PCBP3: variants seen among roughly 807,000 people sequenced by gnomAD.
PCBP3 encodes poly(rC) binding protein 3, also known as poly(rC)-binding protein 3.
Under a neutral mutation model 52.7 loss-of-function variants are expected in PCBP3, and 25 were observed. That is an observed-to-expected ratio of 0.47 (90% CI 0.35 to 0.66). The LOEUF is 0.66. Ranked by LOEUF, PCBP3 falls within the 30% of genes least tolerant of loss-of-function variation. The pLI is 0.01. For missense variants in PCBP3, 391 were observed against 490.3 expected (o/e 0.80, Z 1.91); for synonymous variants, 162 against 183.0 (o/e 0.89, Z 0.93).
chr21:45,854,956 G>A (rs2094211848), intron 5 of PCBP3, among the ~76,000 whole-genome samples: 1 of 152,254 alleles, frequency 6.6e-6, no homozygotes, highest in Admixed American at 6.5e-5. Context: ...ACAGCAGGCT[G>A]AAACCCAGAA....
chr21:45,783,858 C>A (rs918493277), intron 4 of PCBP3, among the ~76,000 whole-genome samples: 21 of 152,280 alleles, frequency 1.4e-4, no homozygotes, highest in Non-Finnish European at 2.6e-4. Flanking sequence ...CCTTGGGGAG[C>A]CATCAGTTAT....
At chr21:45,901,247 ACCT>A in intron 9 of PCBP3, 134 bp downstream of exon 9, 1 of 691,154 alleles carries the variant, frequency 1.4e-6, no homozygotes. Context: ...AACTACGCTC[ACCT>A]CCTTTGCCTC....
intron 5 of PCBP3, among the ~76,000 whole-genome samples, chr21:45,860,630 C>T (rs2094472919): frequency 6.6e-6 from 1 of 152,222 alleles, no homozygotes; most frequent in Non-Finnish European, 1.5e-5. Flanking sequence ...CACCGAAGCC[C>T]ACCTGAAAGA....
intron 5 of PCBP3, among the ~76,000 whole-genome samples, chr21:45,865,939 G>A (rs796776092): frequency 1.6e-4 from 25 of 152,296 alleles, no homozygotes; most frequent in African/African-American, 4.1e-4. Context: ...GCCACAGGCC[G>A]GATGCTATGA....
intron 5 of PCBP3, among the ~76,000 whole-genome samples, chr21:45,877,208 G>A (rs953403754): frequency 3.9e-5 from 6 of 152,142 alleles, no homozygotes; most frequent in Admixed American, 2.0e-4. Context: ...TCTGGTGGTC[G>A]GGAACCTAGG....
At chr21:45,864,976 C>A (rs1303719935) in intron 5 of PCBP3, among the ~76,000 whole-genome samples, 9 of 152,180 alleles carry the variant, frequency 5.9e-5, no homozygotes, top group Non-Finnish European at 7.3e-5. Flanking sequence ...ATACCCAGTT[C>A]CCACCAACTA....
In PCBP3 at chr21:45,850,037, T is replaced by A. The variant is rs1427377049; in HGVS notation, c.-49T>A. 6.6e-7 allele frequency: 1 copy of A among 1,522,156 alleles called. No homozygotes were observed. The highest frequency in any genetic ancestry group is 8.9e-7 in the Non-Finnish European group (1 of 1,120,118). The allele number at this position is 1,522,156 out of a possible 1,614,324, so 94.3% of individuals were successfully genotyped here. A position where few individuals can be genotyped will look rare whatever the true frequency, so the allele number is the denominator to read the frequency against. On this transcript the variant is annotated 5_prime_UTR_variant, in exon 5 of 18. Transcript: ENST00000681687. ...GTTATGATGCTCTGAGTTCAATACG[T>A]CTGAACCTTTGCTGTCTATGGATCT...
chr21:45,699,807 G>A (rs552573010), intron 2 of PCBP3, among the ~76,000 whole-genome samples: 5 of 152,268 alleles, frequency 3.3e-5, no homozygotes, highest in Admixed American at 2.6e-4. Context: ...ACCCACCCGC[G>A]TGATTCAATT....
At chr21:45,823,513 G>T (rs557513662) in intron 4 of PCBP3, among the ~76,000 whole-genome samples, 1 of 152,058 alleles carries the variant, frequency 6.6e-6, no homozygotes, top group Non-Finnish European at 1.5e-5. Context: ...AGAACCACGC[G>T]TGTCCGTTCT....
At chr21:45,768,861 G>A (rs370326934) in intron 4 of PCBP3, among the ~76,000 whole-genome samples, 1 of 152,190 alleles carries the variant, frequency 6.6e-6, no homozygotes, top group Admixed American at 6.5e-5. Flanking sequence ...CAGTGCTATC[G>A]TCCCCTCGTC....
chr21:45,891,131 T>C (rs2148927460), intron 5 of PCBP3, among the ~76,000 whole-genome samples: 1 of 152,264 alleles, frequency 6.6e-6, no homozygotes, highest in African/African-American at 2.4e-5. Context: ...TAATAGAACC[T>C]GGAACTCTGT....
intron 4 of PCBP3, among the ~76,000 whole-genome samples, chr21:45,789,563 C>G (rs1050069722): frequency 6.6e-6 from 1 of 152,090 alleles, no homozygotes; most frequent in Non-Finnish European, 1.5e-5. Context: ...AGGAGCAATC[C>G]GGGCAGAGGA....
chr21:45,786,190 A>G (rs1192607343), intron 4 of PCBP3, among the ~76,000 whole-genome samples: 2 of 151,674 alleles, frequency 1.3e-5, no homozygotes. Context: ...AAAAAAAATA[A>G]AAAGTTTCAA....
intron 1 of PCBP3, among the ~76,000 whole-genome samples, chr21:45,664,017 TTTC>T (rs1027290216): frequency 4.9e-5 from 2 of 40,446 alleles, no homozygotes; most frequent in African/African-American, 1.2e-4. Flanking sequence ...TTTCTTTTTT[TTTC>T]TTTTTTTTTT....
At chr21:45,887,113 C>A (rs2095542024) in intron 5 of PCBP3, among the ~76,000 whole-genome samples, 6 of 152,190 alleles carry the variant, frequency 3.9e-5, no homozygotes, top group Admixed American at 3.3e-4. Flanking sequence ...GCCAGCTTTT[C>A]CACTTCCAAG....
intron 5 of PCBP3, among the ~76,000 whole-genome samples, chr21:45,881,238 A>G (rs1233172672): frequency 6.6e-6 from 1 of 152,170 alleles, no homozygotes; most frequent in Non-Finnish European, 1.5e-5. Flanking sequence ...TCCAACTCTG[A>G]GCCAGCCTTG....
chr21:45,901,267 C>T (rs1253744921), intron 9 of PCBP3, 154 bp downstream of exon 9: 4 of 643,458 alleles, frequency 6.2e-6, no homozygotes, highest in Non-Finnish European at 8.5e-6. Flanking sequence ...CCTCCCAGGG[C>T]CTCTCCGCAG....
chr21:45,721,050 C>G (rs1288000905), intron 2 of PCBP3, among the ~76,000 whole-genome samples: 1 of 152,192 alleles, frequency 6.6e-6, no homozygotes, highest in Non-Finnish European at 1.5e-5. Flanking sequence ...GTGTGTCAGG[C>G]CCTCTGATTT....
At chr21:45,658,290 C>T (rs1027102696) in intron 1 of PCBP3, among the ~76,000 whole-genome samples, 4 of 151,966 alleles carry the variant, frequency 2.6e-5, no homozygotes, top group African/African-American at 4.8e-5. Context: ...TTGGTGGATT[C>T]GGTTTTGCAA....
Sources: gnomAD v4.1 joint callset for allele counts (sites outside exome capture counted in the v4.1 genomes callset) on GRCh38, gnomAD v4.1.1 for gene constraint, MANE v1.5 for transcripts, NCBI Gene and HGNC (gene_info 2026-07-23, HGNC 2026-07-21) for gene names.